Variants in TMCC3 observed in about 807,000 individuals in gnomAD.
The protein encoded by TMCC3 is transmembrane and coiled-coil domain family 3.
TMCC3 carries 28 observed loss-of-function variants against 40.2 expected under a neutral mutation model. The ratio of observed to expected loss-of-function variants is 0.70; its 90% CI spans 0.52 to 0.95. TMCC3 has a LOEUF of 0.95. Among genes scored for constraint, TMCC3 ranks in the 40% least tolerant of loss-of-function variants. The probability of loss-of-function intolerance (pLI) is 0.00; values close to 1 mark genes in which losing one functional copy is unlikely to be tolerated. For missense variants in TMCC3, 554 were observed against 615.2 expected, an observed-to-expected ratio of 0.90 and a Z score of 1.05; for synonymous variants, 255 against 248.5, an observed-to-expected ratio of 1.03 and a Z score of -0.25.
chr12:94,589,919 T>A (rs1402228596), intron 1 of TMCC3, among the ~76,000 whole-genome samples: 1 of 152,130 alleles, frequency 6.6e-6, no homozygotes, highest in East Asian at 1.9e-4. Context: ...CAGCCCCAGA[T>A]CCCGCGAGAA....
At chr12:94,578,160 A>G (rs1408301055) in intron 3 of TMCC3, among the ~76,000 whole-genome samples, 2 of 149,830 alleles carry the variant, frequency 1.3e-5, no homozygotes, top group Non-Finnish European at 3.0e-5. Context: ...AAAAAAAAAA[A>G]AAAAAAAAGA....
chr12:94,596,908 C>T (rs58142780), intron 1 of TMCC3, among the ~76,000 whole-genome samples: 5 of 152,032 alleles, frequency 3.3e-5, no homozygotes, highest in Non-Finnish European at 2.9e-5. Flanking sequence ...GCTTGTGACA[C>T]ATGTGAGAGG....
intron 1 of TMCC3, among the ~76,000 whole-genome samples, chr12:94,631,696 A>C (rs2068934246): frequency 6.6e-6 from 1 of 152,222 alleles, no homozygotes; most frequent in Admixed American, 6.5e-5. Context: ...GGTTAAGACA[A>C]CACTGGCCCT....
chr12:94,591,337 G>T (rs1026832629), intron 1 of TMCC3, among the ~76,000 whole-genome samples: 1 of 151,636 alleles, frequency 6.6e-6, no homozygotes, highest in Admixed American at 6.6e-5. Flanking sequence ...CAATAAATAT[G>T]ACCACCAAGA....
chr12:94,620,587 C>T (rs2068870973), intron 1 of TMCC3, among the ~76,000 whole-genome samples: 1 of 151,890 alleles, frequency 6.6e-6, no homozygotes, highest in Admixed American at 6.6e-5. Flanking sequence ...TGTGCAGGGC[C>T]TGTGGAATTT....
chr12:94,620,709 A>C (rs2068871613), intron 1 of TMCC3, among the ~76,000 whole-genome samples: 1 of 152,202 alleles, frequency 6.6e-6, no homozygotes, highest in South Asian at 2.1e-4. Context: ...ATCTTTGCTA[A>C]ACACGAACTA....
At chr12:94,600,351 T>C (rs1277233228) in intron 1 of TMCC3, among the ~76,000 whole-genome samples, 1 of 150,118 alleles carries the variant, frequency 6.7e-6, no homozygotes. Context: ...ATCTCACCTA[T>C]AGCAAGGGCA....
chr12:94,571,950 T>C (rs895896310), intron 3 of TMCC3, among the ~76,000 whole-genome samples: 2 of 152,218 alleles, frequency 1.3e-5, no homozygotes, highest in Non-Finnish European at 1.5e-5. Context: ...GAAGAGCATG[T>C]GGATACAACC....
Position 94,578,385 on chromosome 12 carries a change from G to A in TMCC3, c.1131+9C>T, listed in dbSNP as rs752677322. ...CCAGGCCTGTGTCTAATCACAAAGG[G>A]AAAGGTACCTGGATGTCCCGCGAGC... On this transcript the variant is annotated intron_variant, in intron 3 of 3. Coordinates refer to ENST00000261226, the MANE Select transcript of TMCC3 (RefSeq NM_020698.4). The A allele has an allele frequency of 2.6e-5, 42 of 1,612,820 alleles. No homozygotes were observed. The highest frequency in any genetic ancestry group is 3.4e-5 in the Non-Finnish European group (40 of 1,179,294).
chr12:94,649,912 C>G (rs760046495), intron 1 of TMCC3, among the ~76,000 whole-genome samples: 1 of 152,194 alleles, frequency 6.6e-6, no homozygotes. Context: ...CCACACGCCC[C>G]GAGGACAGGG....
At chr12:94,600,194 T>A (rs983386338) in intron 1 of TMCC3, among the ~76,000 whole-genome samples, 1 of 151,708 alleles carries the variant, frequency 6.6e-6, no homozygotes, top group South Asian at 2.1e-4. Context: ...ATTTTATTGA[T>A]GTTCTCTCTC....
Position 94,650,515 on chromosome 12 carries a change from C to T in TMCC3, c.-85G>A, listed in dbSNP as rs573842046. 1.8e-4 allele frequency: 199 copies of T among 1,110,220 alleles called. 1 individual carries two copies. In the South Asian group the frequency reaches 7.6e-3, roughly 42 times the overall value. The allele number at this position is 1,110,220 out of a possible 1,614,324, so 68.8% of individuals were successfully genotyped here. ...GCTGTGCTCGGGATCACCCTGGGAG[C>T]CGCGGGCGAGGGGGCGGCGCGGCTG... On this transcript the variant is annotated 5_prime_UTR_variant, in exon 1 of 4. Transcript: ENST00000261226.
chr12:94,587,310 G>C (rs900148978), intron 1 of TMCC3, among the ~76,000 whole-genome samples: 2 of 152,114 alleles, frequency 1.3e-5, no homozygotes, highest in Non-Finnish European at 2.9e-5. Context: ...ACCTCTACGG[G>C]CTTCCATTTC....
chr12:94,581,589 T>TA, intron 2 of TMCC3, 33 bp downstream of exon 2: 4 of 1,281,106 alleles, frequency 3.1e-6, no homozygotes, highest in Non-Finnish European at 4.0e-6. Context: ...AAATAAAAAA[T>TA]AAAAAACACG....
chr12:94,587,829 A>G (rs1266867312), intron 1 of TMCC3, among the ~76,000 whole-genome samples: 5 of 152,236 alleles, frequency 3.3e-5, no homozygotes, highest in Non-Finnish European at 7.3e-5. Context: ...GTCTTTTAAA[A>G]ATAAAATGTA....
intron 1 of TMCC3, among the ~76,000 whole-genome samples, chr12:94,616,784 T>G (rs2651972): frequency 0.95 from 144,575 of 152,344 alleles, 68,758 homozygotes; most frequent in African/African-American, 0.98. Flanking sequence ...CTTGGTGCAG[T>G]TGAAGACTGG....
rs869220054 is a variant in TMCC3, at chr12:94,597,124, C to CATATAT, written c.79-14592_79-14587dup. Among the ~76,000 whole-genome samples the CATATAT allele has an allele frequency of 6.4e-3, 191 of 29,778 alleles. 2 individuals carry two copies. The highest frequency in any genetic ancestry group is 0.013 in the African/African-American group (130 of 10,110). 19.5% of individuals were successfully genotyped at this position (29,778 alleles called of 152,430 possible). A position where few individuals can be genotyped will look rare whatever the true frequency, so the allele number is the denominator to read the frequency against. On this transcript the variant is annotated intron_variant, in intron 1 of 3. Transcript: ENST00000261226. ...GTAAGTCACTGTCTCTATTAAAATA[C>CATATAT]ATATATATATATATATATATATATA...
At chr12:94,580,219 T>C (rs757820634) in intron 2 of TMCC3, among the ~76,000 whole-genome samples, 48 of 152,316 alleles carry the variant, frequency 3.2e-4, no homozygotes, top group Middle Eastern at 3.4e-3. Flanking sequence ...AGTATCTCTT[T>C]ATTGGAAAAA....
chr12:94,620,199 A>G (rs968795361), intron 1 of TMCC3, among the ~76,000 whole-genome samples: 1 of 152,038 alleles, frequency 6.6e-6, no homozygotes, highest in African/African-American at 2.4e-5. Flanking sequence ...TATCATTGCT[A>G]TCTCTGGGGA....
Sources: gnomAD v4.1 joint callset for allele counts (sites outside exome capture counted in the v4.1 genomes callset) on GRCh38, gnomAD v4.1.1 for gene constraint, MANE v1.5 for transcripts, NCBI Gene and HGNC (gene_info 2026-07-23, HGNC 2026-07-21) for gene names.